Variants in SYT16 observed in about 807,000 individuals in gnomAD.
SYT16 encodes synaptotagmin-16.
SYT16 carries 42 observed loss-of-function variants against 61.4 expected under a neutral mutation model. The ratio of observed to expected loss-of-function variants is 0.68; its 90% CI spans 0.53 to 0.89. The LOEUF is 0.89. SYT16 is among the 40% of genes least tolerant of loss of function. SYT16 has a pLI of 0.00. For synonymous variants in SYT16, 314 were observed against 302.3 expected (o/e 1.04, Z -0.40); for missense variants, 804 against 807.3 (o/e 1.00, Z 0.05).
At chr14:62,016,031 C>T (rs2053660916) in intron 3 of SYT16, among the ~76,000 whole-genome samples, 3 of 152,156 alleles carry the variant, frequency 2.0e-5, no homozygotes, top group South Asian at 2.1e-4. Flanking sequence ...ATGGTATCAC[C>T]GTTACCGTGA....
At chr14:62,033,239 G>A (rs1047646139) in intron 3 of SYT16, among the ~76,000 whole-genome samples, 3 of 151,502 alleles carry the variant, frequency 2.0e-5, no homozygotes, top group African/African-American at 4.8e-5. Flanking sequence ...TGTGTACTTC[G>A]GATTGTGTTA....
intron 1 of SYT16, among the ~76,000 whole-genome samples, chr14:61,824,481 T>G (rs920502678): frequency 1.6e-4 from 25 of 152,016 alleles, no homozygotes; most frequent in African/African-American, 6.0e-4. Context: ...GCCTCCCGAG[T>G]AGCTGGGACT....
At chr14:61,901,959 G>C (rs1289090970) in intron 1 of SYT16, among the ~76,000 whole-genome samples, 2 of 151,734 alleles carry the variant, frequency 1.3e-5, no homozygotes, top group Non-Finnish European at 2.9e-5. Flanking sequence ...ACAAGGTTTC[G>C]CTATGTTGGC....
At chr14:61,842,141 G>A (rs1241314646) in intron 1 of SYT16, among the ~76,000 whole-genome samples, 1 of 152,064 alleles carries the variant, frequency 6.6e-6, no homozygotes, top group Admixed American at 6.6e-5. Flanking sequence ...TGTAAAATGA[G>A]GGATCTCTAC....
intron 3 of SYT16, among the ~76,000 whole-genome samples, chr14:62,025,702 G>A (rs1272229117): frequency 2.0e-5 from 3 of 151,766 alleles, no homozygotes; most frequent in Non-Finnish European, 4.4e-5. Context: ...GCCCCAAAAT[G>A]TCAAAAATAT....
rs2057579794 is a variant in SYT16 at position 62,110,003 on chromosome 14, A to G, written c.*9296A>G. 6.6e-6 allele frequency: 1 copy of G among 152,162 alleles called. No individual in the cohort carries two copies. Among genetic ancestry groups the G allele is most frequent in the African/African-American group, 2.4e-5 (1 of 41,452 alleles). 9.4% of individuals were successfully genotyped at this position (152,162 alleles called of 1,614,324 possible). A position where few individuals can be genotyped will look rare whatever the true frequency, so the allele number is the denominator to read the frequency against. On this transcript the variant is annotated 3_prime_UTR_variant, in exon 8 of 8. Coordinates refer to ENST00000683842, the MANE Select transcript of SYT16 (RefSeq NM_001367656.1). ...CAAGTAGATGGGTGTTGGAAAGAAA[A>G]CACTGATAGTCACTCTGGGTGAAGG...
chr14:61,895,886 C>G, intron 1 of SYT16, among the ~76,000 whole-genome samples: 1 of 152,044 alleles, frequency 6.6e-6, no homozygotes, highest in East Asian at 1.9e-4. Flanking sequence ...GAATTTTTTT[C>G]TATGATCACT....
chr14:62,070,201 G>C (rs969275512), intron 4 of SYT16, among the ~76,000 whole-genome samples: 2 of 152,148 alleles, frequency 1.3e-5, no homozygotes, highest in African/African-American at 4.8e-5. Context: ...CTCCCATTTA[G>C]AATCATAAAA....
intron 3 of SYT16, among the ~76,000 whole-genome samples, chr14:62,006,873 C>T (rs1421089856): frequency 1.3e-5 from 2 of 152,072 alleles, no homozygotes; most frequent in Non-Finnish European, 2.9e-5. Flanking sequence ...CTCACTATTT[C>T]CTGAAATAGC....
intron 3 of SYT16, among the ~76,000 whole-genome samples, chr14:62,019,366 G>A (rs565925712): frequency 6.6e-6 from 1 of 152,262 alleles, no homozygotes; most frequent in South Asian, 2.1e-4. Context: ...TTATCACAGT[G>A]AGCGTGTGTG....
chr14:61,832,055 G>T (rs1207018468), intron 1 of SYT16: 1 of 711,708 alleles, frequency 1.4e-6, no homozygotes, highest in Admixed American at 1.9e-5. Context: ...ACATGGCAGC[G>T]CCCACAACCG....
At chr14:62,004,490 G>T (rs1384608976) in intron 3 of SYT16, among the ~76,000 whole-genome samples, 14 of 152,134 alleles carry the variant, frequency 9.2e-5, no homozygotes, top group Non-Finnish European at 1.5e-5. Context: ...ATCTTAGAAA[G>T]ATCTTAATCA....
At chr14:62,070,223 C>G (rs554531240) in intron 4 of SYT16, among the ~76,000 whole-genome samples, 1 of 152,328 alleles carries the variant, frequency 6.6e-6, no homozygotes, top group South Asian at 2.1e-4. Context: ...AAGTTTTCCA[C>G]ATATCTGTAT....
intron 1 of SYT16, among the ~76,000 whole-genome samples, chr14:61,854,972 C>A (rs937036962): frequency 2.6e-5 from 4 of 152,040 alleles, no homozygotes; most frequent in Non-Finnish European, 5.9e-5. Context: ...TAGTGAAAAT[C>A]TAGCACCTTG....
intron 1 of SYT16, among the ~76,000 whole-genome samples, chr14:61,833,866 G>C (rs1952684833): frequency 6.6e-6 from 1 of 151,600 alleles, no homozygotes; most frequent in South Asian, 2.1e-4. Context: ...TTCCTGCAGG[G>C]AGTTGGAGGT....
At chr14:61,968,157 A>C (rs2051393871) in intron 1 of SYT16, among the ~76,000 whole-genome samples, 1 of 152,074 alleles carries the variant, frequency 6.6e-6, no homozygotes, top group Non-Finnish European at 1.5e-5. Context: ...GCTACTCAAG[A>C]GGCTGAGGCA....
intron 1 of SYT16, among the ~76,000 whole-genome samples, chr14:61,852,301 G>C (rs140023288): frequency 1.3e-5 from 2 of 151,912 alleles, no homozygotes; most frequent in African/African-American, 4.8e-5. Flanking sequence ...TACCAGTACT[G>C]TGCTGTTTTG....
chr14:62,090,179 G>A (rs2140998213), intron 7 of SYT16, among the ~76,000 whole-genome samples: 1 of 152,292 alleles, frequency 6.6e-6, no homozygotes, highest in Non-Finnish European at 1.5e-5. Context: ...GTGTATTACT[G>A]CATTGTGTTT....
At chr14:62,009,798 T>C (rs566971972) in intron 3 of SYT16, among the ~76,000 whole-genome samples, 1 of 152,286 alleles carries the variant, frequency 6.6e-6, no homozygotes, top group East Asian at 1.9e-4. Flanking sequence ...ACCAGCCTCA[T>C]TGCAACCCAC....
Sources: gnomAD v4.1 joint callset for allele counts (sites outside exome capture counted in the v4.1 genomes callset) on GRCh38, gnomAD v4.1.1 for gene constraint, MANE v1.5 for transcripts, NCBI Gene and HGNC (gene_info 2026-07-23, HGNC 2026-07-21) for gene names.